PUDP: variants seen among roughly 807,000 people sequenced by gnomAD.
The protein encoded by PUDP is pseudouridine 5'-phosphatase, also known as pseudouridine-5'-phosphatase.
In PUDP, 8 loss-of-function variants were observed where a neutral mutation model predicts 9.4. That is an observed-to-expected ratio of 0.85 (90% CI 0.50 to 1.53). PUDP has a LOEUF of 1.53. Ranked by LOEUF, PUDP falls within the 40% of genes most tolerant of loss-of-function variation. PUDP has a pLI of 0.00. For missense variants in PUDP, 188 were observed against 189.7 expected (o/e 0.99, Z 0.05); for synonymous variants, 99 against 80.7 (o/e 1.23, Z -1.22).
intron 3 of PUDP, among the ~76,000 whole-genome samples, chrX:6,862,970 G>A (rs1450244119): frequency 9.0e-6 from 1 of 111,673 alleles, no homozygotes; most frequent in Non-Finnish European, 1.9e-5. Context: ...AAGAACAGGC[G>A]AAGCTAAATT....
At chrX:6,784,531 C>T (rs1436961846) in intron 3 of PUDP, among the ~76,000 whole-genome samples, 1 of 111,516 alleles carries the variant, frequency 9.0e-6, no homozygotes, top group Non-Finnish European at 1.9e-5. Flanking sequence ...AGCATTGGCA[C>T]CATCAGCAAT....
At chrX:6,922,339 A>G (rs1202594658) in intron 3 of PUDP, among the ~76,000 whole-genome samples, 36 of 111,986 alleles carry the variant, frequency 3.2e-4, no homozygotes, top group Admixed American at 2.9e-3. Flanking sequence ...TTCACATTTC[A>G]TGCCTGTATA....
chrX:6,931,862 AAAAC>A (rs780452065), intron 3 of PUDP, among the ~76,000 whole-genome samples: 4 of 111,565 alleles, frequency 3.6e-5, no homozygotes, highest in Non-Finnish European at 5.6e-5. Flanking sequence ...GTAGGTTAAA[AAAAC>A]AAACAAACAA....
intron 3 of PUDP, among the ~76,000 whole-genome samples, chrX:6,870,614 G>A (rs1927160495): frequency 8.9e-6 from 1 of 112,277 alleles, no homozygotes; most frequent in African/African-American, 3.2e-5. Flanking sequence ...TTTATCAGCA[G>A]TGTGAAAATG....
chrX:6,873,662 C>G (rs1180711808), intron 3 of PUDP, among the ~76,000 whole-genome samples: 4 of 111,683 alleles, frequency 3.6e-5, no homozygotes, highest in Non-Finnish European at 7.5e-5. Flanking sequence ...ATTATACTCA[C>G]CTGGTATTAG....
chrX:6,931,007 T>A (rs775645520), intron 3 of PUDP, among the ~76,000 whole-genome samples: 7 of 111,342 alleles, frequency 6.3e-5, no homozygotes, highest in Non-Finnish European at 1.3e-4. Context: ...AATTTAACTG[T>A]GTACCCTATA....
chrX:6,856,431 C>T (rs1161326277), intron 3 of PUDP, among the ~76,000 whole-genome samples: 1 of 111,981 alleles, frequency 8.9e-6, no homozygotes, highest in Non-Finnish European at 1.9e-5. Context: ...AACCCTTGCT[C>T]ACATTAGGGC....
At chrX:6,820,621 C>A (rs1039858450) in intron 3 of PUDP, among the ~76,000 whole-genome samples, 4 of 111,658 alleles carry the variant, frequency 3.6e-5, no homozygotes, top group African/African-American at 1.3e-4. Context: ...AGTCCAAAAT[C>A]CAGCAGGGCA....
intron 3 of PUDP, among the ~76,000 whole-genome samples, chrX:6,776,198 T>A (rs1176898468): frequency 2.7e-5 from 3 of 111,132 alleles, no homozygotes; most frequent in Non-Finnish European, 5.7e-5. Flanking sequence ...ATGGGGTGCC[T>A]GAACCCATAG....
intron 3 of PUDP, among the ~76,000 whole-genome samples, chrX:6,792,959 A>G (rs1237125903): frequency 8.8e-6 from 1 of 113,077 alleles, no homozygotes; most frequent in African/African-American, 3.2e-5. Flanking sequence ...TGAGGGGCAT[A>G]GGCCCATTTG....
At chrX:6,966,217 T>C (rs1265103302) in intron 3 of PUDP, among the ~76,000 whole-genome samples, 3 of 110,994 alleles carry the variant, frequency 2.7e-5, no homozygotes, top group African/African-American at 9.8e-5. Context: ...ATATCTATTT[T>C]GTGTAGATAT....
intron 3 of PUDP, among the ~76,000 whole-genome samples, chrX:6,933,353 G>A (rs191148724): frequency 2.6e-3 from 292 of 110,793 alleles, no homozygotes; most frequent in Middle Eastern, 4.6e-3. Flanking sequence ...TGCAAACACC[G>A]CTGCGGATAC....
intron 3 of PUDP, among the ~76,000 whole-genome samples, chrX:6,796,417 C>A (rs1392097238): frequency 8.9e-6 from 1 of 111,811 alleles, no homozygotes; most frequent in Admixed American, 9.6e-5. Flanking sequence ...CAAATTACGG[C>A]TGAGGAAGCA....
At chrX:6,959,348 C>A (rs1029954774) in intron 3 of PUDP, among the ~76,000 whole-genome samples, 5 of 111,768 alleles carry the variant, frequency 4.5e-5, no homozygotes, top group African/African-American at 1.6e-4. Flanking sequence ...CTGCTTCCCA[C>A]ATTCCAGTGC....
chrX:6,886,759 T>C (rs990901507), intron 3 of PUDP, among the ~76,000 whole-genome samples: 2 of 111,101 alleles, frequency 1.8e-5, no homozygotes, highest in East Asian at 5.6e-4. Flanking sequence ...AATCCCTATG[T>C]CTCTTTTATA....
chrX:7,087,875 T>C (rs1931309572), intron 2 of PUDP, among the ~76,000 whole-genome samples: 1 of 111,918 alleles, frequency 8.9e-6, no homozygotes, highest in Non-Finnish European at 1.9e-5. Flanking sequence ...CAATAGGTGC[T>C]GTCTAATGTT....
At chrX:6,890,195 G>A (rs1449205905) in intron 3 of PUDP, among the ~76,000 whole-genome samples, 1 of 111,595 alleles carries the variant, frequency 9.0e-6, no homozygotes, top group Non-Finnish European at 1.9e-5. Flanking sequence ...AGTATGCATC[G>A]CCTTTGAAGG....
chrX:7,022,687 C>G (rs1929650265), intron 1 of PUDP, among the ~76,000 whole-genome samples: 1 of 112,040 alleles, frequency 8.9e-6, no homozygotes, highest in African/African-American at 3.2e-5. Context: ...CTATTGCTTT[C>G]TCTCTGAAAT....
chrX:6,801,528 C>T (rs116039598), intron 3 of PUDP, among the ~76,000 whole-genome samples: 1,845 of 111,596 alleles, frequency 0.017, 43 homozygotes, highest in African/African-American at 0.057. Flanking sequence ...ATTTAAATTG[C>T]TTTTATTTTC....
Sources: allele counts gnomAD v4.1 joint callset (sites outside exome capture counted in the v4.1 genomes callset), GRCh38; gene constraint gnomAD v4.1.1; transcripts MANE v1.5; gene names NCBI Gene and HGNC (gene_info 2026-07-23, HGNC 2026-07-21).